Variants in ZMAT4 observed in about 807,000 individuals in gnomAD.
ZMAT4 encodes the protein zinc finger matrin-type 4.
In ZMAT4, 17 loss-of-function variants were observed where a neutral mutation model predicts 28.7. That is an observed-to-expected ratio of 0.59 (90% CI 0.41 to 0.89). The LOEUF (loss-of-function observed/expected upper bound fraction) is 0.89, where lower values mean the gene tolerates loss of function less well. Ranked by LOEUF, ZMAT4 falls within the 40% of genes least tolerant of loss-of-function variation. The pLI is 0.00. For missense variants in ZMAT4, 240 were observed against 283.8 expected (o/e 0.85, Z 1.11); for synonymous variants, 117 against 109.2 (o/e 1.07, Z -0.44).
intron 2 of ZMAT4, among the ~76,000 whole-genome samples, chr8:40,824,260 C>T (rs1266976852): frequency 1.3e-5 from 2 of 152,132 alleles, no homozygotes; most frequent in Non-Finnish European, 2.9e-5. Flanking sequence ...ATGTTCTTAG[C>T]AAGACCCAGT....
intron 1 of ZMAT4, among the ~76,000 whole-genome samples, chr8:40,830,093 G>A (rs1816224750): frequency 6.6e-6 from 1 of 152,126 alleles, no homozygotes; most frequent in African/African-American, 2.4e-5. Context: ...CTTCCTTTCT[G>A]CTTCTTTCTG....
chr8:40,568,966 A>G (rs914225109), intron 6 of ZMAT4, among the ~76,000 whole-genome samples: 3 of 152,160 alleles, frequency 2.0e-5, no homozygotes, highest in Non-Finnish European at 4.4e-5. Context: ...CAACTAGATT[A>G]TTAATTGTTA....
At chr8:40,858,061 G>A (rs1428313287) in intron 1 of ZMAT4, among the ~76,000 whole-genome samples, 1 of 152,158 alleles carries the variant, frequency 6.6e-6, no homozygotes, top group Non-Finnish European at 1.5e-5. Context: ...ATTTTATTTG[G>A]GTGGAGGGAA....
At chr8:40,629,551 C>T (rs939796560) in intron 5 of ZMAT4, among the ~76,000 whole-genome samples, 7 of 149,286 alleles carry the variant, frequency 4.7e-5, no homozygotes, top group South Asian at 2.2e-4. Flanking sequence ...TGCTATCCCT[C>T]GCCCCTCCCC....
At chr8:40,765,827 G>T (rs1166912973) in intron 3 of ZMAT4, among the ~76,000 whole-genome samples, 4 of 152,132 alleles carry the variant, frequency 2.6e-5, no homozygotes, top group Non-Finnish European at 2.9e-5. Flanking sequence ...CATTGTCTCT[G>T]ACCATTAGCA....
intron 6 of ZMAT4, among the ~76,000 whole-genome samples, chr8:40,533,290 A>G (rs1169446682): frequency 6.6e-6 from 1 of 152,186 alleles, no homozygotes; most frequent in Admixed American, 6.5e-5. Context: ...TGAACCCTGG[A>G]AAAACTCATA....
intron 5 of ZMAT4, among the ~76,000 whole-genome samples, chr8:40,670,671 T>C (rs1167680299): frequency 6.6e-6 from 1 of 152,150 alleles, no homozygotes; most frequent in Non-Finnish European, 1.5e-5. Flanking sequence ...GCCTTCTACC[T>C]CATCTCAAAT....
chr8:40,870,407 T>C (rs936368052), intron 1 of ZMAT4, among the ~76,000 whole-genome samples: 1 of 152,224 alleles, frequency 6.6e-6, no homozygotes, highest in Admixed American at 6.5e-5. Context: ...TTTCTCCTGT[T>C]AATCTGTCTT....
chr8:40,735,171 T>C (rs567481346), intron 3 of ZMAT4, among the ~76,000 whole-genome samples: 42 of 152,326 alleles, frequency 2.8e-4, no homozygotes, highest in African/African-American at 9.9e-4. Context: ...AGTCAACTTG[T>C]ATAAATGAAG....
At chr8:40,825,518 A>G (rs1386094825) in intron 2 of ZMAT4, 57 bp downstream of exon 2, 4 of 1,445,284 alleles carry the variant, frequency 2.8e-6, no homozygotes, top group East Asian at 5.0e-5. Flanking sequence ...TCCTACAACA[A>G]TGACCCGGGC....
chr8:40,835,766 T>C (rs1051986090), intron 1 of ZMAT4, among the ~76,000 whole-genome samples: 3 of 152,154 alleles, frequency 2.0e-5, no homozygotes, highest in Non-Finnish European at 4.4e-5. Flanking sequence ...AAAACTATTA[T>C]TTTTATTTGA....
chr8:40,809,321 T>G (rs1815225208), intron 2 of ZMAT4, among the ~76,000 whole-genome samples: 1 of 152,072 alleles, frequency 6.6e-6, no homozygotes, highest in Non-Finnish European at 1.5e-5. Context: ...TGCTGACTAC[T>G]GGAGAAGGAG....
intron 3 of ZMAT4, among the ~76,000 whole-genome samples, chr8:40,749,039 TTCTCACTG>T (rs1360868251): frequency 1.3e-5 from 2 of 152,186 alleles, no homozygotes; most frequent in Non-Finnish European, 2.9e-5. Context: ...TTTCACTTGA[TTCTCACTG>T]TCTCTTGTCT....
intron 1 of ZMAT4, among the ~76,000 whole-genome samples, chr8:40,863,109 C>T (rs139872459): frequency 5.7e-4 from 86 of 152,086 alleles, no homozygotes; most frequent in African/African-American, 1.9e-3. Context: ...GTGGCAAGAC[C>T]GGAGGCTGGA....
chr8:40,895,134 C>T (rs1363378580), intron 1 of ZMAT4, among the ~76,000 whole-genome samples: 2 of 141,212 alleles, frequency 1.4e-5, no homozygotes, highest in Admixed American at 7.4e-5. Flanking sequence ...AGACACAACC[C>T]CTTCCCACCA....
At chr8:40,860,148 C>G (rs886510200) in intron 1 of ZMAT4, among the ~76,000 whole-genome samples, 1 of 152,048 alleles carries the variant, frequency 6.6e-6, no homozygotes, top group African/African-American at 2.4e-5. Flanking sequence ...ATAGAGTCAG[C>G]GTTCAGTAAT....
intron 2 of ZMAT4, among the ~76,000 whole-genome samples, chr8:40,790,210 G>GA (rs578100995): frequency 9.9e-5 from 15 of 151,794 alleles, no homozygotes; most frequent in Admixed American, 3.3e-4. Context: ...ACAAAATAAA[G>GA]AAAAAAAACT....
At chr8:40,553,723 T>C (rs944443553) in intron 6 of ZMAT4, among the ~76,000 whole-genome samples, 9 of 152,196 alleles carry the variant, frequency 5.9e-5, no homozygotes, top group African/African-American at 2.2e-4. Context: ...ATGATATGGA[T>C]GGCATGAGAA....
At chr8:40,763,670 G>C (rs745307043) in intron 3 of ZMAT4, among the ~76,000 whole-genome samples, 4 of 152,202 alleles carry the variant, frequency 2.6e-5, no homozygotes, top group Non-Finnish European at 4.4e-5. Flanking sequence ...CTTTGGTCAA[G>C]TCATGGTACT....
Sources: allele counts gnomAD v4.1 joint callset (sites outside exome capture counted in the v4.1 genomes callset), GRCh38; gene constraint gnomAD v4.1.1; transcripts MANE v1.5; gene names NCBI Gene and HGNC (gene_info 2026-07-23, HGNC 2026-07-21).